The following PTPRF variants were observed in gnomAD, a reference collection of about 807,000 sequenced individuals.
PTPRF encodes receptor-type tyrosine-protein phosphatase F.
In PTPRF, 59 loss-of-function variants were observed where a neutral mutation model predicts 201.8. The observed-to-expected ratio is 0.29, with a 90% CI of 0.24 to 0.36. The LOEUF (loss-of-function observed/expected upper bound fraction) is 0.36. Among genes scored for constraint, PTPRF ranks in the 10% least tolerant of loss-of-function variants. The pLI, the probability that PTPRF is intolerant of heterozygous loss-of-function variation, is 1.00. For synonymous variants in PTPRF, 1,088 were observed against 1,089.7 expected (o/e 1.00, Z 0.03); for missense variants, 2,132 against 2,690.5 (o/e 0.79, Z 4.59).
intron 16 of PTPRF, among the ~76,000 whole-genome samples, chr1:43,604,673 C>T (rs896090329): frequency 3.3e-5 from 5 of 152,196 alleles, no homozygotes; most frequent in Admixed American, 3.3e-4. Flanking sequence ...ACCCTGGTTG[C>T]TGTGGCATCC....
chr1:43,598,377 C>A, intron 12 of PTPRF: 1 of 455,908 alleles, frequency 2.2e-6, no homozygotes, highest in South Asian at 4.9e-5. Context: ...GTTGGCTGGA[C>A]ATTGGCATGA....
intron 33 of PTPRF, 56 bp from the exon 34 acceptor site, chr1:43,621,879 T>C: frequency 6.5e-7 from 1 of 1,532,638 alleles, no homozygotes; most frequent in Non-Finnish European, 9.0e-7. Context: ...GTGTCAGCTG[T>C]GTAGTGGGGG....
chr1:43,585,820 T>C (rs1376704342), intron 7 of PTPRF, among the ~76,000 whole-genome samples: 1 of 152,178 alleles, frequency 6.6e-6, no homozygotes, highest in African/African-American at 2.4e-5. Context: ...CCTACTTCCT[T>C]CTGCTGGGGC....
intron 7 of PTPRF, among the ~76,000 whole-genome samples, chr1:43,587,410 C>G (rs1329648054): frequency 1.3e-5 from 2 of 152,180 alleles, no homozygotes; most frequent in Non-Finnish European, 2.9e-5. Context: ...TATGTTATGC[C>G]ACGCTGTTGA....
intron 5 of PTPRF, among the ~76,000 whole-genome samples, chr1:43,557,460 C>T (rs781291807): frequency 1.3e-5 from 2 of 152,224 alleles, no homozygotes; most frequent in East Asian, 1.9e-4. Context: ...ATGGCAAAAC[C>T]CCATCTCTAC....
chr1:43,597,031 A>G (rs149166305), intron 11 of PTPRF, among the ~76,000 whole-genome samples: 36 of 152,016 alleles, frequency 2.4e-4, no homozygotes, highest in African/African-American at 7.2e-4. Flanking sequence ...CCAAGACAGT[A>G]TATGTGCGAG....
At position 43,547,645 on chromosome 1, in the gene PTPRF, G is replaced by A. The variant is rs1644763513; in HGVS notation, c.91+2479G>A. On this transcript the variant is annotated intron_variant, in intron 3 of 33. Coordinates refer to ENST00000359947, the MANE Select transcript of PTPRF (RefSeq NM_002840.5). ...GAGAATTGACAGCTGGGGCAGTGAA[G>A]CGCGGAGTGGACAAATGTGTTTCAA... Among the ~76,000 whole-genome samples the A allele has an allele frequency of 2.6e-5, 4 of 152,386 alleles. No homozygotes were observed. In the South Asian group the frequency reaches 8.3e-4, roughly 32 times the overall value.
Position 43,617,565 on chromosome 1 carries a change from G to A in PTPRF, c.4192G>A (p.Asp1398Asn), listed in dbSNP as rs1417036459. ...CTCTCGAGTCATCCTTACCTCTATCGATGGTGAGCCAAGGGGGTGCCCCTC... is the reference window on the plus strand; with the variant it reads ...CTCTCGAGTCATCCTTACCTCTATCAATGGTGAGCCAAGGGGGTGCCCCTC... ...DHSRVILTSI[D>N]GVPGSDYINA... The change falls in exon 24 of 34, where the codon GAT (aspartate) becomes AAT (asparagine). Residue 1398 changes from aspartate to asparagine, a missense_variant. Asp to Asn is a conservative substitution (Grantham distance 23, BLOSUM62 1). Coordinates refer to ENST00000359947, the MANE Select transcript of PTPRF (RefSeq NM_002840.5). 8 of 1,613,816 alleles carry A rather than the reference G, an allele frequency of 5.0e-6. No individual in the cohort carries two copies. The highest frequency in any genetic ancestry group is 1.7e-5 in the Admixed American group (1 of 59,996).
chr1:43,531,276 C>T lies in PTPRF; in HGVS notation c.-126+186C>T, dbSNP rs567703992. On this transcript the variant is annotated intron_variant, in intron 1 of 33. Transcript: ENST00000359947. The stretch of plus-strand genomic sequence containing the variant: ...CCTCGGCGAAGCCCCCCCTCCACGC[C>T]CCAGCCTGGCGGCTCCTCCCCGCTC... Among the ~76,000 whole-genome samples the T allele has an allele frequency of 5.6e-3, 834 of 149,462 alleles. 3 individuals carry two copies. The highest frequency in any genetic ancestry group is 8.1e-3 in the Non-Finnish European group (538 of 66,824).
rs1570905450 is a variant in PTPRF at position 43,538,188 on chromosome 1, T to C, written c.-125-10T>C. ...TCTTGATGTTTTCTCATGCTTTCCT[T>C]TCTGTCCAGGAAGGAGTGGAGGCCC... On this transcript the variant is annotated splice_polypyrimidine_tract_variant and intron_variant, in intron 1 of 33. Coordinates refer to ENST00000359947, the MANE Select transcript of PTPRF (RefSeq NM_002840.5). The C allele has an allele frequency of 2.5e-6, 1 of 398,652 alleles. No homozygotes were observed. The highest frequency in any genetic ancestry group is 4.4e-6 in the Non-Finnish European group (1 of 226,082). 24.7% of individuals were successfully genotyped at this position (398,652 alleles called of 1,614,324 possible).
chr1:43,579,628 CACA>C (rs1374605251), intron 7 of PTPRF: 1 of 259,734 alleles, frequency 3.9e-6, no homozygotes, highest in African/African-American at 2.2e-5. Context: ...CTGCTATGCT[CACA>C]GCCTAGGGGT....
chr1:43,591,630 C>T lies in PTPRF; in HGVS notation c.1531+77C>T. 7 of 1,463,046 alleles carry T rather than the reference C, an allele frequency of 4.8e-6. 1 individual carries two copies. Among genetic ancestry groups the T allele is most frequent in the East Asian group, 2.5e-5 (1 of 40,264 alleles). 90.6% of individuals were successfully genotyped at this position (1,463,046 alleles called of 1,614,324 possible). The stretch of plus-strand genomic sequence containing the variant: ...AGGTTGTGGCGGTGCCTTTCCCCCT[C>T]CCTCGGCTGTGAGGCTGGGGGCTCT... On this transcript the variant is annotated intron_variant, in intron 9 of 33. Transcript: ENST00000359947.
chr1:43,606,608 C>CCAAACTGATAAAGACCTGGGGTCTT, intron 20 of PTPRF, 150 bp downstream of exon 20: 2 of 1,100,432 alleles, frequency 1.8e-6, no homozygotes, highest in Non-Finnish European at 2.6e-6. Flanking sequence ...AGATCTGTCC[C>CCAAACTGATAAAGACCTGGGGTCTT]GGGGATCCTA....
At chr1:43,543,969 G>C (rs1644502434) in intron 2 of PTPRF, among the ~76,000 whole-genome samples, 1 of 152,228 alleles carries the variant, frequency 6.6e-6, no homozygotes, top group African/African-American at 2.4e-5. Flanking sequence ...GGGTATGGGA[G>C]AGAGACCCTG....
Position 43,621,193 on chromosome 1 carries a change from G to A in PTPRF, c.5616G>A (p.Lys1872=). 3 of 1,614,178 alleles carry A rather than the reference G, an allele frequency of 1.9e-6. No individual in the cohort carries two copies. The highest frequency in any genetic ancestry group is 2.5e-6 in the Non-Finnish European group (3 of 1,179,990). ...EGVVDMFQTV[K]TLRTQRPAMV... ...TGGTCGACATGTTTCAGACCGTGAA[G>A]ACCCTGCGTACACAGCGTCCTGCCA... is the stretch of plus-strand genomic sequence containing the variant. Residue 1872 remains lysine, a synonymous_variant, in exon 33 of 34, where the codon AAG becomes AAA. Coordinates refer to ENST00000359947, the MANE Select transcript of PTPRF (RefSeq NM_002840.5).
At chr1:43,527,376 C>T (rs1643163158), upstream of PTPRF, among the ~76,000 whole-genome samples, 1 of 152,260 alleles carries the variant, frequency 6.6e-6, no homozygotes, top group African/African-American at 2.4e-5. Context: ...CTATCACGCT[C>T]TCCCAGGCCC....
rs367571290 is a variant in PTPRF, at chr1:43,547,333, A to C, written c.91+2167A>C. On this transcript the variant is annotated intron_variant, in intron 3 of 33. Transcript: ENST00000359947. ...AGCCCAAACACCAGGTCTTGACGGT[A>C]GAAAGCAGCTGAAGAAGCTGAAATC... 7.2e-5 allele frequency among the ~76,000 whole-genome samples: 11 copies of C among 152,380 alleles called. No individual in the cohort carries two copies. The South Asian group carries it at 2.3e-3, about 32-fold the overall frequency.
intron 21 of PTPRF, among the ~76,000 whole-genome samples, 166 bp from the exon 22 acceptor site, chr1:43,609,217 G>A (rs1028254551): frequency 6.6e-6 from 1 of 152,124 alleles, no homozygotes; most frequent in Non-Finnish European, 1.5e-5. Flanking sequence ...CTCATGTCAA[G>A]GCTGTTCTGG....
chr1:43,532,396 C>T lies in PTPRF; in HGVS notation c.-126+1306C>T, dbSNP rs192098836. Among the ~76,000 whole-genome samples, 110 of 152,320 alleles carry T rather than the reference C, an allele frequency of 7.2e-4. No homozygotes were observed. The East Asian group carries it at 0.017, about 23-fold the overall frequency. On this transcript the variant is annotated intron_variant, in intron 1 of 33. Transcript: ENST00000359947. ...GGTTGTCTGGATCTCCCTGAGGGGC[C>T]ACAGGGCAGGGCCGGGAGGCTGGAT... is the stretch of plus-strand genomic sequence containing the variant.
Sources: allele counts gnomAD v4.1 joint callset (sites outside exome capture counted in the v4.1 genomes callset), GRCh38; gene constraint gnomAD v4.1.1; transcripts MANE v1.5; gene names NCBI Gene and HGNC (gene_info 2026-07-23, HGNC 2026-07-21).